The following VPS35L variants were observed in gnomAD, a reference collection of about 807,000 sequenced individuals.
VPS35L encodes the protein VPS35 endosomal protein-sorting factor-like.
A neutral mutation model predicts 133.0 loss-of-function variants in VPS35L; 83 were observed. The ratio of observed to expected loss-of-function variants is 0.62; its 90% CI spans 0.52 to 0.75. The LOEUF (loss-of-function observed/expected upper bound fraction) is 0.75. Among genes scored for constraint, VPS35L ranks in the 30% least tolerant of loss-of-function variants. The probability of loss-of-function intolerance (pLI) is 0.00; values close to 1 mark genes in which losing one functional copy is unlikely to be tolerated. For synonymous variants in VPS35L, 423 were observed against 449.9 expected (o/e 0.94, Z 0.76); for missense variants, 1,083 against 1,206.8 (o/e 0.90, Z 1.52).
At chr16:19,596,011 G>T (rs952971773) in intron 8 of VPS35L, among the ~76,000 whole-genome samples, 1 of 152,102 alleles carries the variant, frequency 6.6e-6, no homozygotes, top group Admixed American at 6.5e-5. Flanking sequence ...GGGCATGGTG[G>T]TGGGCACCTG....
chr16:19,556,413 G>A (rs1039080752), intron 1 of VPS35L, among the ~76,000 whole-genome samples: 5 of 152,174 alleles, frequency 3.3e-5, no homozygotes, highest in Admixed American at 3.3e-4. Flanking sequence ...ACCATAGGGA[G>A]GGCGTGGCGT....
chr16:19,669,698 T>G (rs1488111656), intron 27 of VPS35L, among the ~76,000 whole-genome samples: 1 of 151,752 alleles, frequency 6.6e-6, no homozygotes, highest in East Asian at 1.9e-4. Context: ...GAGATGGAGT[T>G]TCACTACTGT....
intron 27 of VPS35L, among the ~76,000 whole-genome samples, chr16:19,679,475 ATTTAT>A (rs1567481428): frequency 6.3e-4 from 59 of 93,388 alleles, no homozygotes; most frequent in African/African-American, 3.4e-3. Flanking sequence ...ACAATTATTT[ATTTAT>A]TTATTTATTT....
intron 26 of VPS35L, 87 bp downstream of exon 26, chr16:19,652,177 C>G: frequency 1.0e-6 from 1 of 954,728 alleles, no homozygotes; most frequent in Non-Finnish European, 1.6e-6. Context: ...TAGAGAGAGA[C>G]AAAGATTTCT....
chr16:19,689,337 C>G (rs1597439919), intron 28 of VPS35L, among the ~76,000 whole-genome samples: 1 of 150,908 alleles, frequency 6.6e-6, no homozygotes, highest in East Asian at 2.0e-4. Flanking sequence ...GTGGCTCCAT[C>G]TCGGCTCACT....
chr16:19,664,783 T>G (rs905209448), intron 26 of VPS35L, among the ~76,000 whole-genome samples: 1 of 151,648 alleles, frequency 6.6e-6, no homozygotes, highest in African/African-American at 2.4e-5. Context: ...GCCTGTAGTC[T>G]TAGCTACTCG....
At chr16:19,616,377 A>G (rs1972893294) in intron 13 of VPS35L, among the ~76,000 whole-genome samples, 186 bp downstream of exon 13, 1 of 152,150 alleles carries the variant, frequency 6.6e-6, no homozygotes, top group Non-Finnish European at 1.5e-5. Flanking sequence ...AAGCGGAGAA[A>G]GTTAATATGC....
At chr16:19,586,546 G>A (rs1229229607) in intron 7 of VPS35L, among the ~76,000 whole-genome samples, 1 of 151,326 alleles carries the variant, frequency 6.6e-6, no homozygotes, top group East Asian at 2.0e-4. Flanking sequence ...TGCCATGTTG[G>A]CCAGGCTGGT....
intron 4 of VPS35L, among the ~76,000 whole-genome samples, chr16:19,574,859 G>A (rs117643263): frequency 1.6e-3 from 244 of 152,184 alleles, no homozygotes; most frequent in Non-Finnish European, 2.9e-3. Flanking sequence ...ATTCAGAGTA[G>A]GTTAAAAATA....
At chr16:19,619,040 C>T (rs1226639357) in intron 14 of VPS35L, among the ~76,000 whole-genome samples, 1 of 151,782 alleles carries the variant, frequency 6.6e-6, no homozygotes. Context: ...AAGCGATTCT[C>T]ATGCCTCAAC....
At chr16:19,590,315 G>A (rs1167609746) in intron 7 of VPS35L, among the ~76,000 whole-genome samples, 2 of 152,092 alleles carry the variant, frequency 1.3e-5, no homozygotes, top group Non-Finnish European at 2.9e-5. Context: ...TCTTGACATG[G>A]TGAACGTTCT....
At chr16:19,637,970 C>G (rs1973672608) in intron 20 of VPS35L, among the ~76,000 whole-genome samples, 1 of 152,242 alleles carries the variant, frequency 6.6e-6, no homozygotes, top group African/African-American at 2.4e-5. Flanking sequence ...TTACTTTGCT[C>G]TTCCACAGTG....
At chr16:19,672,953 C>T (rs773485195) in intron 27 of VPS35L, among the ~76,000 whole-genome samples, 2 of 152,226 alleles carry the variant, frequency 1.3e-5, no homozygotes, top group African/African-American at 2.4e-5. Flanking sequence ...TTAAAAATCA[C>T]TGGAGCCTTT....
At chr16:19,587,096 AAG>A (rs58638665) in intron 7 of VPS35L, among the ~76,000 whole-genome samples, 28 of 139,036 alleles carry the variant, frequency 2.0e-4, no homozygotes, top group East Asian at 5.5e-4. Context: ...AGGAGAGAGA[AAG>A]AGAGAGAGAG....
At chr16:19,612,657 G>A (rs778410177) in intron 12 of VPS35L, among the ~76,000 whole-genome samples, 21 of 152,138 alleles carry the variant, frequency 1.4e-4, no homozygotes, top group Admixed American at 7.9e-4. Flanking sequence ...TCGGAGACCC[G>A]GTGATAAAGA....
intron 11 of VPS35L, among the ~76,000 whole-genome samples, chr16:19,609,684 G>T (rs541654722): frequency 3.9e-5 from 6 of 152,304 alleles, no homozygotes; most frequent in Non-Finnish European, 8.8e-5. Context: ...GATTCATGGT[G>T]CTCCACAGAT....
chr16:19,682,458 A>G (rs1975318944), intron 28 of VPS35L, 68 bp downstream of exon 28: 2 of 1,513,804 alleles, frequency 1.3e-6, no homozygotes, highest in Non-Finnish European at 1.8e-6. Context: ...GAATGCTTTC[A>G]TTTTCTCTTT....
chr16:19,665,743 G>A (rs1168565898), intron 26 of VPS35L, among the ~76,000 whole-genome samples: 1 of 152,168 alleles, frequency 6.6e-6, no homozygotes, highest in Non-Finnish European at 1.5e-5. Flanking sequence ...AGCTTTTTCA[G>A]AAACCTCCGA....
chr16:19,586,092 GT>G (rs1794983699), intron 7 of VPS35L, among the ~76,000 whole-genome samples: 1 of 151,988 alleles, frequency 6.6e-6, no homozygotes, highest in Admixed American at 6.6e-5. Context: ...GAAACGGAGG[GT>G]TTTACTTTGT....
Sources: allele counts gnomAD v4.1 joint callset (sites outside exome capture counted in the v4.1 genomes callset), GRCh38; gene constraint gnomAD v4.1.1; transcripts MANE v1.5; gene names NCBI Gene and HGNC (gene_info 2026-07-23, HGNC 2026-07-21).